Variants in ALDH1L1 observed in about 807,000 individuals in gnomAD.
ALDH1L1 encodes the protein aldehyde dehydrogenase 1 family member L1, also known as cytosolic 10-formyltetrahydrofolate dehydrogenase.
A neutral mutation model predicts 101.1 loss-of-function variants in ALDH1L1; 68 were observed. The ratio of observed to expected loss-of-function variants is 0.67; its 90% confidence interval spans 0.55 to 0.82. ALDH1L1 has a LOEUF of 0.82. Ranked by LOEUF, ALDH1L1 falls within the 40% of genes least tolerant of loss-of-function variation. The pLI is 0.00. For missense variants in ALDH1L1, 1,087 were observed against 1,172.7 expected (o/e 0.93, Z 1.07); for synonymous variants, 486 against 470.8 (o/e 1.03, Z -0.42).
intron 18 of ALDH1L1, among the ~76,000 whole-genome samples, chr3:126,114,183 G>T (rs1946165378): frequency 6.6e-6 from 1 of 152,212 alleles, no homozygotes; most frequent in Non-Finnish European, 1.5e-5. Context: ...GGTTACCATA[G>T]TGAAGCAGAT....
intron 1 of ALDH1L1, among the ~76,000 whole-genome samples, chr3:126,195,329 C>G (rs1480750254): frequency 6.6e-6 from 1 of 152,132 alleles, no homozygotes; most frequent in African/African-American, 2.4e-5. Flanking sequence ...TTTTTACTTT[C>G]CTGACAAAAT....
chr3:126,165,390 TG>T (rs1408476007), intron 1 of ALDH1L1, among the ~76,000 whole-genome samples: 2 of 152,226 alleles, frequency 1.3e-5, no homozygotes, highest in African/African-American at 4.8e-5. Context: ...TTTCTTTTTT[TG>T]TTATGTCTCT....
In ALDH1L1 at chr3:126,109,428, C is replaced by T. The variant is rs557614327; in HGVS notation, c.2347+516G>A. The stretch of plus-strand genomic sequence containing the variant: ...ACATCCAGGTGGAAGTGTCCAGTGC[C>T]GCTGGCTGTGCGGTCAGGAGCTCTG... On this transcript the variant is annotated intron_variant, in intron 20 of 22. Transcript: ENST00000393434. Among the ~76,000 whole-genome samples, 13 of 152,154 alleles carry T rather than the reference C, an allele frequency of 8.5e-5. No homozygotes were observed. The South Asian group carries it at 1.0e-3, about 12-fold the overall frequency.
Position 126,157,356 on chromosome 3 carries a change from C to T in ALDH1L1, c.515G>A (p.Gly172Asp), listed in dbSNP as rs756732552. 9 of 1,611,584 alleles carry T rather than the reference C, an allele frequency of 5.6e-6. No individual in the cohort carries two copies. The highest frequency in any genetic ancestry group is 6.8e-6 in the Non-Finnish European group (8 of 1,178,456). The change falls in exon 4 of 23, where the codon GGC becomes GAC. Residue 172 changes from glycine (G) to aspartate (D), a missense_variant. By Grantham distance (94) the Gly-to-Asp change is moderately conservative (BLOSUM62 -1). This residue lies in a region of ALDH1L1 where 645 missense variants were observed against 637.0 expected (regional missense o/e 1.01). Transcript: ENST00000393434. Reference sequence around the variant, plus strand: ...CCAGGTCCTCACCATCCCTTTGATGCCTTCAGGGAAGAGGAAGCGGTTGTA... The same window carrying T: ...CCAGGTCCTCACCATCCCTTTGATGTCTTCAGGGAAGAGGAAGCGGTTGTA... Reference protein sequence around the residue: ...TLYNRFLFPEGIKGMVQAVRL... With the variant: ...TLYNRFLFPEDIKGMVQAVRL...
intron 9 of ALDH1L1, among the ~76,000 whole-genome samples, chr3:126,141,384 C>T (rs138724867): frequency 6.6e-6 from 1 of 152,140 alleles, no homozygotes; most frequent in African/African-American, 2.4e-5. Flanking sequence ...AAACACTGCT[C>T]AAGAAGAACA....
intron 8 of ALDH1L1, among the ~76,000 whole-genome samples, chr3:126,148,572 A>G (rs2080745275): frequency 1.3e-5 from 2 of 152,168 alleles, no homozygotes; most frequent in Non-Finnish European, 2.9e-5. Flanking sequence ...AATGATAGCC[A>G]TCCTAGCGAT....
intron 1 of ALDH1L1, among the ~76,000 whole-genome samples, chr3:126,187,728 GA>G (rs940922621): frequency 3.2e-4 from 48 of 152,250 alleles, no homozygotes; most frequent in African/African-American, 1.1e-3. Flanking sequence ...TTCTGAGCTG[GA>G]CGAGGAAAAT....
rs1414605367 is a variant in ALDH1L1 at position 126,118,009 on chromosome 3, T to G, written c.1978A>C (p.Lys660Gln). The G allele has an allele frequency of 6.2e-7, 1 of 1,613,550 alleles. No homozygotes were observed. The highest frequency in any genetic ancestry group is 8.5e-7 in the Non-Finnish European group (1 of 1,179,828). ...GSTEVGKHIM[K>Q]SCAISNVKKV... is the part of the protein sequence containing the mutation. ...GCTCCACCCCCAGCCACGCACCTTT[T>G]CATGATGTGCTTGCCCACCTCTGTG... is the stretch of plus-strand genomic sequence containing the variant. Residue 660 changes from lysine (K) to glutamine (Q), a missense_variant, in exon 17 of 23, where the codon AAA becomes CAA. Physicochemically the swap from Lys to Gln is moderately conservative, Grantham distance 53. This residue lies in a region of ALDH1L1 where 442 missense variants were observed against 535.7 expected (regional missense o/e 0.83). Coordinates refer to ENST00000393434, the MANE Select transcript of ALDH1L1 (RefSeq NM_012190.4).
chr3:126,124,921 T>G (rs1405972641), intron 15 of ALDH1L1, among the ~76,000 whole-genome samples: 1 of 152,218 alleles, frequency 6.6e-6, no homozygotes, highest in Non-Finnish European at 1.5e-5. Context: ...ATCAATGCCC[T>G]TGCCGCGAAA....
rs1040607705 is a variant in ALDH1L1 at position 126,150,706 on chromosome 3, C to T, written c.859-175G>A. On this transcript the variant is annotated intron_variant, in intron 7 of 22. Coordinates refer to ENST00000393434, the MANE Select transcript of ALDH1L1 (RefSeq NM_012190.4). ...GAATAGCTGGGATTACAGGCGCGCA[C>T]CACCATGCCCGACTAATTTTTGTTT... is the stretch of plus-strand genomic sequence containing the variant. 20 of 633,786 alleles carry T rather than the reference C, an allele frequency of 3.2e-5. No individual in the cohort carries two copies. The African/African-American group carries it at 3.6e-4, about 11-fold the overall frequency. The allele number at this position is 633,786 out of a possible 1,614,324, so 39.3% of individuals were successfully genotyped here. A position where few individuals can be genotyped will look rare whatever the true frequency, so the allele number is the denominator to read the frequency against.
In ALDH1L1 at chr3:126,170,979, C is replaced by A. The variant is rs117429879; in HGVS notation, c.-24+9497G>T. 6.6e-4 allele frequency among the ~76,000 whole-genome samples: 100 copies of A among 152,278 alleles called. No individual in the cohort carries two copies. The East Asian group carries it at 0.019, about 29-fold the overall frequency. On this transcript the variant is annotated intron_variant, in intron 1 of 22. Coordinates refer to ENST00000393434, the MANE Select transcript of ALDH1L1 (RefSeq NM_012190.4). ...AGGAACAAGCACATTCCCTTTCCTT[C>A]AGGGGCACTAAGACAGGAAAGCTAA...
chr3:126,183,654 TG>T (rs554914071), upstream of ALDH1L1, among the ~76,000 whole-genome samples: 32 of 152,316 alleles, frequency 2.1e-4, no homozygotes, highest in East Asian at 4.3e-3. Context: ...TTGTTCCCTT[TG>T]GAGCAGGCAC....
upstream of ALDH1L1, among the ~76,000 whole-genome samples, chr3:126,185,999 G>T (rs998556027): frequency 1.6e-4 from 25 of 152,102 alleles, no homozygotes; most frequent in African/African-American, 5.8e-4. Context: ...CATAGAGACA[G>T]AAAGTGGAAT....
rs542275391 is a variant in ALDH1L1 at position 126,142,712 on chromosome 3, T to C, written c.1076+4123A>G. Among the ~76,000 whole-genome samples, 6 of 152,198 alleles carry C rather than the reference T, an allele frequency of 3.9e-5. No homozygotes were observed. In the South Asian group the frequency reaches 6.2e-4, roughly 16 times the overall value. On this transcript the variant is annotated intron_variant, in intron 9 of 22. Transcript: ENST00000393434. ...ATCCTTTATATAATAAAGGCCATAT[T>C]TGAAAAATCCACAGCTAACATACTC...
intron 1 of ALDH1L1, among the ~76,000 whole-genome samples, chr3:126,169,186 C>A (rs1031014208): frequency 1.3e-5 from 2 of 152,156 alleles, no homozygotes; most frequent in African/African-American, 4.8e-5. Flanking sequence ...CCTTAGAATG[C>A]TGCTAATCTT....
chr3:126,113,415 A>G (rs1443070812), intron 18 of ALDH1L1, among the ~76,000 whole-genome samples: 1 of 152,162 alleles, frequency 6.6e-6, no homozygotes, highest in African/African-American at 2.4e-5. Flanking sequence ...TCCTGGCAGG[A>G]GTCCAGAACA....
intron 1 of ALDH1L1, among the ~76,000 whole-genome samples, chr3:126,173,732 A>C (rs1047898558): frequency 3.3e-5 from 5 of 152,230 alleles, no homozygotes; most frequent in African/African-American, 1.2e-4. Flanking sequence ...TAAAAACCAG[A>C]TAGGTTACAA....
intron 16 of ALDH1L1, among the ~76,000 whole-genome samples, chr3:126,122,769 A>G (rs1027067166): frequency 2.6e-5 from 4 of 152,198 alleles, no homozygotes; most frequent in Non-Finnish European, 5.9e-5. Flanking sequence ...TTTGATAAGT[A>G]TATGATAAGT....
chr3:126,157,635 C>T, intron 3 of ALDH1L1, 127 bp from the exon 4 acceptor site: 1 of 1,031,362 alleles, frequency 9.7e-7, no homozygotes, highest in Non-Finnish European at 1.4e-6. Context: ...CTGACACCGG[C>T]TCCGGCGGGA....
Sources: gnomAD v4.1 joint callset for allele counts (sites outside exome capture counted in the v4.1 genomes callset) on GRCh38, gnomAD v4.1.1 for gene constraint, gnomAD v4.1.1 regional missense constraint, MANE v1.5 for transcripts, NCBI Gene and HGNC (gene_info 2026-07-23, HGNC 2026-07-21) for gene names.